Variants in VPS50 observed in about 807,000 individuals in gnomAD.
VPS50 encodes syndetin.
Under a neutral mutation model 139.7 loss-of-function variants are expected in VPS50, and 70 were observed. The observed-to-expected ratio is 0.50, with a 90% confidence interval of 0.41 to 0.61. VPS50 has a LOEUF of 0.61. Among genes scored for constraint, VPS50 ranks in the 20% least tolerant of loss-of-function variants. VPS50 has a pLI of 0.00. For synonymous variants in VPS50, 365 were observed against 376.7 expected (o/e 0.97, Z 0.36); for missense variants, 921 against 1,133.7 (o/e 0.81, Z 2.69).
chr7:93,256,769 A>G (rs1231183612), intron 5 of VPS50, among the ~76,000 whole-genome samples: 1 of 152,038 alleles, frequency 6.6e-6, no homozygotes, highest in African/African-American at 2.4e-5. Context: ...AAGGGTTTTT[A>G]TATATGATTC....
chr7:93,307,938 A>G lies in VPS50; in HGVS notation c.1630-886A>G, dbSNP rs150142375. On this transcript the variant is annotated intron_variant, in intron 18 of 27. Coordinates refer to ENST00000305866, the MANE Select transcript of VPS50 (RefSeq NM_017667.4). ...GGGGCTAAATTCTTTCCATGTTGTT[A>G]TCATACTGGTTTCCTCAACTGTCAT... Among the ~76,000 whole-genome samples, 5 of 152,040 alleles carry G rather than the reference A, an allele frequency of 3.3e-5. No homozygotes were observed. In the East Asian group the frequency reaches 9.7e-4, roughly 29 times the overall value.
intron 21 of VPS50, among the ~76,000 whole-genome samples, chr7:93,328,891 T>C (rs1227890116): frequency 6.6e-6 from 1 of 152,082 alleles, no homozygotes; most frequent in Non-Finnish European, 1.5e-5. Context: ...TGATCCATGA[T>C]TATATGGAAC....
At chr7:93,271,116 C>G in intron 9 of VPS50, 104 bp from the exon 10 acceptor site, 1 of 1,461,468 alleles carries the variant, frequency 6.8e-7, no homozygotes, top group Non-Finnish European at 9.0e-7. Context: ...GATCTATACT[C>G]TTAATCTTTG....
intron 12 of VPS50, among the ~76,000 whole-genome samples, chr7:93,290,444 G>A (rs1796616856): frequency 6.6e-6 from 1 of 150,576 alleles, no homozygotes; most frequent in African/African-American, 2.4e-5. Context: ...GTGACCACAG[G>A]GGTTGTGCCT....
chr7:93,238,810 G>A (rs985384995), intron 1 of VPS50, among the ~76,000 whole-genome samples: 4 of 152,154 alleles, frequency 2.6e-5, no homozygotes, highest in African/African-American at 7.2e-5. Context: ...TGAAAGTGAT[G>A]TATTGCTTTC....
In VPS50 at chr7:93,296,782, A is replaced by AT; in HGVS notation, c.1211dup (p.Leu404PhefsTer7). 1 of 1,605,846 alleles carries AT rather than the reference A, an allele frequency of 6.2e-7. No individual in the cohort carries two copies. Among genetic ancestry groups the AT allele is most frequent in the Non-Finnish European group, 8.5e-7 (1 of 1,178,396 alleles). On this transcript the variant is annotated frameshift_variant, in exon 15 of 28. Transcript: ENST00000305866. LOFTEE classifies it high-confidence loss of function. ...GTAAAAACCTACTTGCTTGGAACTG[A>AT]TTTGTCTATATTCAAATATGATGAT...
intron 20 of VPS50, among the ~76,000 whole-genome samples, chr7:93,311,794 T>C (rs1310190475): frequency 6.6e-6 from 1 of 152,168 alleles, no homozygotes; most frequent in Non-Finnish European, 1.5e-5. Flanking sequence ...TATGAAGAAA[T>C]GATATTTTAA....
At chr7:93,305,786 T>C in intron 17 of VPS50, 42 bp from the exon 18 acceptor site, 1 of 1,491,640 alleles carries the variant, frequency 6.7e-7, no homozygotes, top group Non-Finnish European at 9.3e-7. Context: ...ACTAGAATTT[T>C]ATTGTTGCTA....
chr7:93,333,015 A>G (rs879397833), intron 21 of VPS50, among the ~76,000 whole-genome samples: 1 of 152,266 alleles, frequency 6.6e-6, no homozygotes, highest in East Asian at 1.9e-4. Flanking sequence ...AGGGAACTCT[A>G]TTATGGTGCT....
intron 16 of VPS50, 112 bp downstream of exon 16, chr7:93,297,355 ATGTGT>A (rs1796841202): frequency 8.5e-7 from 1 of 1,171,084 alleles, no homozygotes; most frequent in Non-Finnish European, 1.1e-6. Context: ...TTGAATTTGA[ATGTGT>A]TGTAGCTTTT....
intron 9 of VPS50, 68 bp downstream of exon 9, chr7:93,259,700 T>A: frequency 1.2e-6 from 1 of 812,406 alleles, no homozygotes; most frequent in Non-Finnish European, 2.1e-6. Flanking sequence ...TGTGTAAAAA[T>A]GTTAATAAAC....
intron 8 of VPS50, 75 bp downstream of exon 8, chr7:93,258,467 G>T: frequency 8.9e-7 from 1 of 1,122,864 alleles, no homozygotes; most frequent in Non-Finnish European, 1.3e-6. Flanking sequence ...ATTCAGAAGT[G>T]CATTTTTCTC....
At chr7:93,333,789 C>G in intron 21 of VPS50, 1 of 288,082 alleles carries the variant, frequency 3.5e-6, no homozygotes, top group Non-Finnish European at 6.5e-6. Flanking sequence ...TTACATACAA[C>G]AGAGTGTAAT....
intron 22 of VPS50, among the ~76,000 whole-genome samples, chr7:93,338,291 G>A (rs1798119090): frequency 6.6e-6 from 1 of 152,110 alleles, no homozygotes; most frequent in African/African-American, 2.4e-5. Context: ...GATGGTCCCC[G>A]GAGTGGAGGA....
chr7:93,335,563 AC>A (rs1407299762), intron 22 of VPS50, among the ~76,000 whole-genome samples: 1 of 151,434 alleles, frequency 6.6e-6, no homozygotes, highest in African/African-American at 2.4e-5. Flanking sequence ...TATTTGATCC[AC>A]CCTTTTTGTT....
In VPS50 at chr7:93,291,739, G is replaced by A; in HGVS notation, c.979G>A (p.Asp327Asn). The change falls in exon 13 of 28, where the codon GAC (aspartate) becomes AAC (asparagine). Residue 327 changes from aspartate to asparagine, a missense_variant. By Grantham distance (23) the Asp-to-Asn change is conservative. This residue lies in a region of VPS50 where 744 missense variants were observed against 930.6 expected (regional missense o/e 0.80). Transcript: ENST00000305866. ...AGACAGCTATATTCCATGCCTTGCA[G>A]ACCTGTGCAAAGCACTATGGGAAGT... ...TPDSYIPCLA[D>N]LCKALWEVML... The A allele has an allele frequency of 6.3e-7, 1 of 1,589,916 alleles. No homozygotes were observed. Among genetic ancestry groups the A allele is most frequent in the Non-Finnish European group, 8.6e-7 (1 of 1,163,606 alleles).
chr7:93,314,751 G>A (rs1433427025), intron 20 of VPS50, among the ~76,000 whole-genome samples: 1 of 152,094 alleles, frequency 6.6e-6, no homozygotes, highest in Non-Finnish European at 1.5e-5. Flanking sequence ...GGATATTTAG[G>A]TATAATGTGC....
At chr7:93,270,657 A>T (rs1795976405) in intron 9 of VPS50, among the ~76,000 whole-genome samples, 1 of 151,888 alleles carries the variant, frequency 6.6e-6, no homozygotes, top group African/African-American at 2.4e-5. Flanking sequence ...GTTTTCCAAG[A>T]GGTTATATCA....
At chr7:93,326,027 G>T (rs904765668) in intron 21 of VPS50, among the ~76,000 whole-genome samples, 7 of 151,994 alleles carry the variant, frequency 4.6e-5, no homozygotes, top group African/African-American at 7.3e-5. Flanking sequence ...ATTCACAATG[G>T]CAAAGACTTG....
Sources: allele counts gnomAD v4.1 joint callset (sites outside exome capture counted in the v4.1 genomes callset), GRCh38; gene constraint gnomAD v4.1.1; regional missense constraint gnomAD v4.1.1; transcripts MANE v1.5; gene names NCBI Gene and HGNC (gene_info 2026-07-23, HGNC 2026-07-21).